ZCWPW1: variants seen among roughly 807,000 people sequenced by gnomAD.
ZCWPW1 encodes zinc finger CW-type and PWWP domain containing 1.
ZCWPW1 carries 56 observed loss-of-function variants against 81.3 expected under a neutral mutation model. That is an observed-to-expected ratio of 0.69 (90% CI 0.56 to 0.86). ZCWPW1 has a LOEUF of 0.86. Ranked by LOEUF, ZCWPW1 falls within the 40% of genes least tolerant of loss-of-function variation. The pLI, the probability that ZCWPW1 is intolerant of heterozygous loss-of-function variation, is 0.00. For missense variants in ZCWPW1, 650 were observed against 769.8 expected, an observed-to-expected ratio of 0.84 and a Z score of 1.84; for synonymous variants, 250 against 273.7, an observed-to-expected ratio of 0.91 and a Z score of 0.86.
chr7:100,420,489 T>C (rs1322132451), intron 3 of ZCWPW1, 133 bp downstream of exon 3: 23 of 972,684 alleles, frequency 2.4e-5, no homozygotes, highest in Non-Finnish European at 3.5e-5. Flanking sequence ...ACTCAAAGCA[T>C]CTAGCAGAGC....
At chr7:100,420,825 C>A in intron 2 of ZCWPW1, 147 bp from the exon 3 acceptor site, 1 of 692,586 alleles carries the variant, frequency 1.4e-6, no homozygotes, top group Non-Finnish European at 2.4e-6. Flanking sequence ...AATTACACAC[C>A]AGGGAATAAT....
rs189662921 is a variant in ZCWPW1, at chr7:100,403,610, G to A, written c.1413+84C>T. 8.0e-6 allele frequency: 10 copies of A among 1,257,618 alleles called. No individual in the cohort carries two copies. In the East Asian group the frequency reaches 1.9e-4, roughly 24 times the overall value. The allele number at this position is 1,257,618 out of a possible 1,614,324, so 77.9% of individuals were successfully genotyped here. ...AGGCTGAGGTGGGAGGATTGCCTAA[G>A]TCCAGGAGTTTGAGACCAGCCTGGG... On this transcript the variant is annotated intron_variant, in intron 15 of 17. Coordinates refer to ENST00000684423, the MANE Select transcript of ZCWPW1 (RefSeq NM_001386010.1).
At chr7:100,421,953 A>G (rs574545611) in intron 2 of ZCWPW1, among the ~76,000 whole-genome samples, 79 of 152,028 alleles carry the variant, frequency 5.2e-4, no homozygotes, top group Non-Finnish European at 9.9e-4. Flanking sequence ...CAGCCTCCCA[A>G]AGTGCTGGGA....
intron 12 of ZCWPW1, among the ~76,000 whole-genome samples, 177 bp downstream of exon 12, chr7:100,406,517 T>C (rs1793040587): frequency 6.6e-6 from 1 of 151,640 alleles, no homozygotes; most frequent in South Asian, 2.1e-4. Flanking sequence ...AAAAAAAAAA[T>C]TGCCCTGCTG....
At chr7:100,408,319 C>A (rs1192966041) in intron 10 of ZCWPW1, among the ~76,000 whole-genome samples, 1 of 152,168 alleles carries the variant, frequency 6.6e-6, no homozygotes, top group Non-Finnish European at 1.5e-5. Flanking sequence ...CACTATCAGA[C>A]CCTTTTTTCC....
chr7:100,413,584 C>T (rs1408514047), intron 8 of ZCWPW1, among the ~76,000 whole-genome samples: 1 of 152,188 alleles, frequency 6.6e-6, no homozygotes, highest in Non-Finnish European at 1.5e-5. Context: ...CTCACCTCTC[C>T]TTGGCAACTG....
intron 3 of ZCWPW1, 132 bp downstream of exon 3, chr7:100,420,490 C>A: frequency 1.0e-6 from 1 of 982,814 alleles, no homozygotes; most frequent in Non-Finnish European, 1.6e-6. Flanking sequence ...CTCAAAGCAT[C>A]TAGCAGAGCA....
chr7:100,424,859 A>T (rs898943637), intron 2 of ZCWPW1, among the ~76,000 whole-genome samples, 171 bp downstream of exon 2: 1 of 152,232 alleles, frequency 6.6e-6, no homozygotes, highest in Non-Finnish European at 1.5e-5. Context: ...ACCTGTAAAG[A>T]TCTTCCTAGG....
intron 11 of ZCWPW1, 63 bp from the exon 12 acceptor site, chr7:100,406,861 A>G: frequency 6.8e-7 from 1 of 1,460,150 alleles, no homozygotes; most frequent in South Asian, 1.2e-5. Context: ...TCCTCTAGCC[A>G]GAACAGATCG....
At position 100,401,107 on chromosome 7, in the gene ZCWPW1, C is replaced by A. The variant is rs1791777206; in HGVS notation, c.1857G>T (p.Met619Ile). 4 of 1,614,124 alleles carry A rather than the reference C, an allele frequency of 2.5e-6. No homozygotes were observed. The highest frequency in any genetic ancestry group is 1.3e-5 in the African/African-American group (1 of 74,946). The change falls in exon 18 of 18, where the codon ATG (methionine) becomes ATT (isoleucine). Residue 619 changes from methionine to isoleucine, a missense_variant. By Grantham distance (10) the Met-to-Ile change is conservative. Coordinates refer to ENST00000684423, the MANE Select transcript of ZCWPW1 (RefSeq NM_001386010.1). ...GCCCCAGCTCTCTCCCAACATCTTCCATGAGTTGCTCCAGGTCCAGGTCAC... is the reference window on the plus strand; with the variant it reads ...GCCCCAGCTCTCTCCCAACATCTTCAATGAGTTGCTCCAGGTCCAGGTCAC... ...ASSDLDLEQL[M>I]EDVGRELGQS... is the part of the protein sequence containing the mutation.
chr7:100,420,231 A>C (rs1032215551), intron 3 of ZCWPW1, among the ~76,000 whole-genome samples: 16 of 152,238 alleles, frequency 1.1e-4, no homozygotes, highest in African/African-American at 3.9e-4. Flanking sequence ...ATAAAATGTT[A>C]TGGAAAATTA....
chr7:100,407,269 C>G lies in ZCWPW1; in HGVS notation c.1027G>C (p.Gly343Arg). 2 of 1,613,944 alleles carry G rather than the reference C, an allele frequency of 1.2e-6. No homozygotes were observed. The highest frequency in any genetic ancestry group is 8.5e-7 in the Non-Finnish European group (1 of 1,179,922). The change falls in exon 11 of 18, where the codon GGG (glycine) becomes CGG (arginine). Residue 343 changes from glycine (G) to arginine (R), a missense_variant. By Grantham distance (125) the Gly-to-Arg change is moderately radical. Transcript: ENST00000684423. Reference protein sequence around the residue: ...PGMIESDPDLGEYFLFTSHLD... With the variant: ...PGMIESDPDLREYFLFTSHLD... The stretch of plus-strand genomic sequence containing the variant: ...TGGGAAGTAAAAAGAAAATATTCCC[C>G]TAAGTCAGGATCAGATTCTATCATG...
chr7:100,424,665 T>A (rs1796986561), intron 2 of ZCWPW1, among the ~76,000 whole-genome samples: 1 of 152,052 alleles, frequency 6.6e-6, no homozygotes, highest in Admixed American at 6.6e-5. Context: ...TTTCACCATG[T>A]TGGCCAGGAT....
intron 1 of ZCWPW1, among the ~76,000 whole-genome samples, chr7:100,426,724 CCTCCATCCCTTCCTCCCCCTCCTTCT>C (rs1797437281): frequency 3.6e-5 from 5 of 138,564 alleles, no homozygotes; most frequent in Admixed American, 2.9e-4. Flanking sequence ...TCCCTTTGTC[CCTCCATCCCTTCCTCCCCCTCCTTCT>C]CTCCCTCCCC....
At chr7:100,403,479 T>G (rs1792351368) in intron 15 of ZCWPW1, among the ~76,000 whole-genome samples, 2 of 151,836 alleles carry the variant, frequency 1.3e-5, no homozygotes, top group African/African-American at 4.8e-5. Context: ...CCTCCCAAAG[T>G]GCTGGGATTA....
At chr7:100,423,091 T>A (rs1265857666) in intron 2 of ZCWPW1, among the ~76,000 whole-genome samples, 1 of 152,174 alleles carries the variant, frequency 6.6e-6, no homozygotes, top group East Asian at 1.9e-4. Flanking sequence ...GGAAGACCTT[T>A]AGGGATAATA....
At chr7:100,417,782 A>G (rs1795598078) in intron 5 of ZCWPW1, among the ~76,000 whole-genome samples, 1 of 152,160 alleles carries the variant, frequency 6.6e-6, no homozygotes, top group African/African-American at 2.4e-5. Context: ...TAGGAATAGA[A>G]GTATACCTAA....
intron 8 of ZCWPW1, among the ~76,000 whole-genome samples, 199 bp from the exon 9 acceptor site, chr7:100,409,743 T>G (rs951357620): frequency 6.6e-6 from 1 of 152,206 alleles, no homozygotes; most frequent in African/African-American, 2.4e-5. Flanking sequence ...ATTAGCTAAC[T>G]TGGCGATAGA....
chr7:100,402,518 C>G lies in ZCWPW1; in HGVS notation c.1472G>C (p.Arg491Thr), dbSNP rs1563128343. 4 of 1,613,952 alleles carry G rather than the reference C, an allele frequency of 2.5e-6. No homozygotes were observed. Among genetic ancestry groups the G allele is most frequent in the Non-Finnish European group, 3.4e-6 (4 of 1,180,006 alleles). ...CCATTTCCAGCTGGCCTGCTTACCT[C>G]TTGGCTTGGTTTTTTGGGTCTGTAT... ...VKIQTQKTKPRGLGGDAGTAD... is the reference protein window; with the variant it reads ...VKIQTQKTKPTGLGGDAGTAD... The change falls in exon 16 of 18, where the codon AGA (arginine) becomes ACA (threonine). Residue 491 changes from arginine to threonine, a missense_variant and splice_region_variant. Transcript: ENST00000684423.
Sources: gnomAD v4.1 joint callset for allele counts (sites outside exome capture counted in the v4.1 genomes callset) on GRCh38, gnomAD v4.1.1 for gene constraint, MANE v1.5 for transcripts, NCBI Gene and HGNC (gene_info 2026-07-23, HGNC 2026-07-21) for gene names.